The following COL21A1 variants were observed in gnomAD, a reference collection of about 807,000 sequenced individuals.
COL21A1 encodes the protein collagen type XXI alpha 1 chain.
In COL21A1, 149 loss-of-function variants were observed where a neutral mutation model predicts 137.9. The observed-to-expected ratio is 1.08, with a 90% CI of 0.95 to 1.24. COL21A1 has a LOEUF of 1.24. Among genes scored for constraint, COL21A1 ranks in the 50% most tolerant of loss-of-function variants. The probability of loss-of-function intolerance (pLI) is 0.00; values close to 1 mark genes in which losing one functional copy is unlikely to be tolerated. For missense variants in COL21A1, 1,167 were observed against 1,158.4 expected (o/e 1.01, Z -0.11); for synonymous variants, 456 against 391.5 (o/e 1.16, Z -1.95).
chr6:56,307,241 C>G (rs553264905), intron 1 of COL21A1, among the ~76,000 whole-genome samples: 1 of 152,348 alleles, frequency 6.6e-6, no homozygotes, highest in South Asian at 2.1e-4. Context: ...CCACTACTCT[C>G]TTCAAAGCTG....
At chr6:56,125,362 A>C (rs1377916648) in intron 14 of COL21A1, 1 of 376,118 alleles carries the variant, frequency 2.7e-6, no homozygotes, top group Non-Finnish European at 4.7e-6. Flanking sequence ...ATACAACATA[A>C]TCTTATAGGA....
At chr6:56,324,826 C>A (rs115431552) in intron 1 of COL21A1, among the ~76,000 whole-genome samples, 2,793 of 152,034 alleles carry the variant, frequency 0.018, 82 homozygotes, top group African/African-American at 0.064. Context: ...TCTCTCTGAC[C>A]TCCTCCTCAC....
chr6:56,224,123 A>C (rs1781042243), intron 1 of COL21A1, among the ~76,000 whole-genome samples: 1 of 152,110 alleles, frequency 6.6e-6, no homozygotes, highest in African/African-American at 2.4e-5. Context: ...CAGCCATGAC[A>C]CACACCCACT....
At chr6:56,138,751 G>A (rs920757960) in intron 12 of COL21A1, among the ~76,000 whole-genome samples, 5 of 152,108 alleles carry the variant, frequency 3.3e-5, no homozygotes, top group African/African-American at 1.2e-4. Flanking sequence ...GTGAAAATGT[G>A]CAGGAAATAA....
intron 1 of COL21A1, among the ~76,000 whole-genome samples, chr6:56,188,516 C>T (rs968313449): frequency 6.6e-6 from 1 of 152,228 alleles, no homozygotes; most frequent in Admixed American, 6.5e-5. Flanking sequence ...ACTCCCATCT[C>T]CCTGGACAGA....
chr6:56,231,824 C>T (rs1265419298), intron 1 of COL21A1, among the ~76,000 whole-genome samples: 1 of 151,754 alleles, frequency 6.6e-6, no homozygotes, highest in Admixed American at 6.6e-5. Flanking sequence ...CGGTAACATT[C>T]AGATCATTCT....
chr6:56,175,656 C>G (rs1212335700), intron 3 of COL21A1, among the ~76,000 whole-genome samples: 1 of 152,062 alleles, frequency 6.6e-6, no homozygotes, highest in Non-Finnish European at 1.5e-5. Flanking sequence ...GGAAATATAT[C>G]TTGTGTTCAT....
intron 1 of COL21A1, among the ~76,000 whole-genome samples, chr6:56,252,780 A>C (rs1234279580): frequency 1.3e-5 from 2 of 152,204 alleles, no homozygotes; most frequent in Non-Finnish European, 2.9e-5. Context: ...AAAGAAAATC[A>C]GGATGCTGTT....
At chr6:56,076,438 A>C (rs1160654503) in intron 18 of COL21A1, among the ~76,000 whole-genome samples, 1 of 151,356 alleles carries the variant, frequency 6.6e-6, no homozygotes, top group Non-Finnish European at 1.5e-5. Context: ...GAATTGTTAG[A>C]AACAGAATTT....
intron 12 of COL21A1, among the ~76,000 whole-genome samples, chr6:56,140,731 G>A (rs1774344390): frequency 6.6e-6 from 1 of 152,170 alleles, no homozygotes; most frequent in South Asian, 2.1e-4. Context: ...TTGGAAGGTA[G>A]TACATGGTGA....
At chr6:56,108,066 A>G (rs1167502593) in intron 16 of COL21A1, among the ~76,000 whole-genome samples, 1 of 152,042 alleles carries the variant, frequency 6.6e-6, no homozygotes, top group African/African-American at 2.4e-5. Context: ...TCTGAAACGG[A>G]TATTTACAAG....
At chr6:56,222,877 G>C (rs1780933155) in intron 1 of COL21A1, among the ~76,000 whole-genome samples, 1 of 152,100 alleles carries the variant, frequency 6.6e-6, no homozygotes, top group African/African-American at 2.4e-5. Context: ...TGGTGGCTTT[G>C]ACAATGGAGG....
At chr6:56,327,158 ACT>A (rs10559213) in intron 1 of COL21A1, among the ~76,000 whole-genome samples, 149,878 of 152,038 alleles carry the variant, frequency 0.99, 73,907 homozygotes, top group Middle Eastern at 1. Context: ...ATGCTCTAAA[ACT>A]CTAATTATTT....
intron 1 of COL21A1, among the ~76,000 whole-genome samples, chr6:56,365,035 C>T (rs912982905): frequency 2.0e-5 from 3 of 152,238 alleles, no homozygotes; most frequent in African/African-American, 7.2e-5. Flanking sequence ...TTGCTTCATA[C>T]ATAACATGTC....
chr6:56,062,014 A>G (rs567101800), intron 24 of COL21A1, among the ~76,000 whole-genome samples: 1 of 152,264 alleles, frequency 6.6e-6, no homozygotes, highest in South Asian at 2.1e-4. Context: ...TAAAAACTCA[A>G]ATCAGATTAA....
At chr6:56,187,932 T>C (rs766272889) in intron 1 of COL21A1, among the ~76,000 whole-genome samples, 40 of 151,958 alleles carry the variant, frequency 2.6e-4, no homozygotes, top group Non-Finnish European at 4.9e-4. Flanking sequence ...AGAAAACATA[T>C]AGATAATAAA....
intron 16 of COL21A1, among the ~76,000 whole-genome samples, chr6:56,122,157 A>G (rs911257260): frequency 1.4e-5 from 2 of 148,070 alleles, no homozygotes; most frequent in African/African-American, 5.0e-5. Context: ...AAAAGGCCAT[A>G]TATTACATCT....
At chr6:56,064,777 TACTC>T (rs1386854507) in intron 23 of COL21A1, among the ~76,000 whole-genome samples, 155 bp from the exon 24 acceptor site, 1 of 152,064 alleles carries the variant, frequency 6.6e-6, no homozygotes, top group African/African-American at 2.4e-5. Context: ...GAAAATCAGT[TACTC>T]AGCGAAAAAG....
At chr6:56,350,656 G>T (rs1765692457) in intron 1 of COL21A1, among the ~76,000 whole-genome samples, 1 of 152,208 alleles carries the variant, frequency 6.6e-6, no homozygotes, top group Non-Finnish European at 1.5e-5. Context: ...TCTCCTGGAT[G>T]ACTTGGGGAT....
Sources: gnomAD v4.1 joint callset for allele counts (sites outside exome capture counted in the v4.1 genomes callset) on GRCh38, gnomAD v4.1.1 for gene constraint, MANE v1.5 for transcripts, NCBI Gene and HGNC (gene_info 2026-07-23, HGNC 2026-07-21) for gene names.